Variants in LRRC7 observed in about 807,000 individuals in gnomAD.
LRRC7 encodes the protein leucine rich repeat containing 7.
In LRRC7, 23 loss-of-function variants were observed where a neutral mutation model predicts 175.7. The ratio of observed to expected loss-of-function variants is 0.13; its 90% confidence interval spans 0.09 to 0.19. The LOEUF is 0.19. Ranked by LOEUF, LRRC7 falls within the 10% of genes least tolerant of loss-of-function variation. LRRC7 has a pLI of 1.00. For missense variants in LRRC7, 1,354 were observed against 1,904.7 expected (o/e 0.71, Z 5.38); for synonymous variants, 685 against 680.9 (o/e 1.01, Z -0.09).
At chr1:69,961,918 A>T (rs911562029) in intron 8 of LRRC7, among the ~76,000 whole-genome samples, 1 of 152,204 alleles carries the variant, frequency 6.6e-6, no homozygotes, top group African/African-American at 2.4e-5. Flanking sequence ...CATTCAGGAC[A>T]TAGGCATGGG....
At position 70,134,883 on chromosome 1, in the gene LRRC7, G is replaced by A. The variant is rs1442178685; in HGVS notation, c.*12996G>A. 1.3e-5 allele frequency among the ~76,000 whole-genome samples: 2 copies of A among 152,102 alleles called. No individual in the cohort carries two copies. Among genetic ancestry groups the A allele is most frequent in the Non-Finnish European group, 2.9e-5 (2 of 68,000 alleles). ...ACCCATTTTAAAGCAAATACGGCAG[G>A]TGTCCACCATTGTTTTGGATACAGC... On this transcript the variant is annotated 3_prime_UTR_variant, in exon 27 of 27. Coordinates refer to ENST00000651989, the MANE Select transcript of LRRC7 (RefSeq NM_001370785.2).
At chr1:69,813,330 A>G (rs1678183744) in intron 4 of LRRC7, among the ~76,000 whole-genome samples, 1 of 152,150 alleles carries the variant, frequency 6.6e-6, no homozygotes, top group Non-Finnish European at 1.5e-5. Flanking sequence ...ACTAGCAAAA[A>G]GACTCAACCA....
intron 6 of LRRC7, among the ~76,000 whole-genome samples, chr1:69,835,212 A>C (rs1441275058): frequency 6.6e-6 from 1 of 151,988 alleles, no homozygotes; most frequent in Non-Finnish European, 1.5e-5. Context: ...GAAAAATATC[A>C]TAAATGGATA....
rs60692987 is a variant in LRRC7 at position 70,084,177 on chromosome 1, T to C, written c.4453-5550T>C. 1.7e-3 allele frequency among the ~76,000 whole-genome samples: 264 copies of C among 152,338 alleles called. 3 individuals are homozygous for C. Among genetic ancestry groups the C allele is most frequent in the African/African-American group, 6.0e-3 (248 of 41,570 alleles). ...TTAATGGCTTTATTGATATAATTTA[T>C]ATACAGTAAAGTTCATCTGCTTAAA... On this transcript the variant is annotated intron_variant, in intron 24 of 26. Coordinates refer to ENST00000651989, the MANE Select transcript of LRRC7 (RefSeq NM_001370785.2).
At chr1:70,007,238 A>G (rs1656073329) in intron 11 of LRRC7, among the ~76,000 whole-genome samples, 1 of 152,218 alleles carries the variant, frequency 6.6e-6, no homozygotes. Context: ...ATTAGCATCC[A>G]GAAAGACGCT....
intron 25 of LRRC7, among the ~76,000 whole-genome samples, chr1:70,090,660 A>G (rs771324640): frequency 2.6e-5 from 4 of 152,100 alleles, no homozygotes; most frequent in African/African-American, 4.8e-5. Flanking sequence ...AACTGACCCC[A>G]TAAAACTTTA....
intron 4 of LRRC7, among the ~76,000 whole-genome samples, chr1:69,823,635 T>G (rs1319798476): frequency 3.9e-5 from 6 of 152,134 alleles, no homozygotes; most frequent in African/African-American, 1.4e-4. Context: ...CACTAATTCT[T>G]TTTCCTGTGT....
Position 70,121,912 on chromosome 1 carries a change from A to C in LRRC7, c.*25A>C. 1 of 1,487,446 alleles carries C rather than the reference A, an allele frequency of 6.7e-7. No homozygotes were observed. The highest frequency in any genetic ancestry group is 9.3e-7 in the Non-Finnish European group (1 of 1,071,800). The allele number at this position is 1,487,446 out of a possible 1,614,324, so 92.1% of individuals were successfully genotyped here. On this transcript the variant is annotated 3_prime_UTR_variant, in exon 27 of 27. Transcript: ENST00000651989. Reference sequence around the variant, plus strand: ...AATATTTTTTATAAATAGTGAAGATACGTCTAGCCAGACCTAATGTTCAAA... The same window carrying C: ...AATATTTTTTATAAATAGTGAAGATCCGTCTAGCCAGACCTAATGTTCAAA...
intron 7 of LRRC7, among the ~76,000 whole-genome samples, chr1:69,921,721 T>C (rs1270706351): frequency 6.6e-6 from 1 of 152,198 alleles, no homozygotes; most frequent in Non-Finnish European, 1.5e-5. Context: ...TCATTCCAAG[T>C]TGCTGATGTG....
intron 1 of LRRC7, among the ~76,000 whole-genome samples, chr1:69,618,157 T>C (rs1649984841): frequency 6.6e-6 from 1 of 152,118 alleles, no homozygotes; most frequent in African/African-American, 2.4e-5. Flanking sequence ...GAACTCTGGC[T>C]CCAAGCTCTG....
intron 11 of LRRC7, among the ~76,000 whole-genome samples, chr1:70,000,241 A>G (rs529639262): frequency 1.3e-4 from 20 of 152,324 alleles, no homozygotes; most frequent in African/African-American, 4.8e-4. Context: ...TTGACCACAT[A>G]TACAACTGTG....
chr1:70,078,800 G>GCACA (rs1195352931), intron 24 of LRRC7, among the ~76,000 whole-genome samples: 15 of 102,548 alleles, frequency 1.5e-4, no homozygotes, highest in African/African-American at 9.1e-4. Context: ...ATACGCGCGC[G>GCACA]CGCGCGCGCG....
At chr1:70,115,156 G>T (rs935028504) in intron 26 of LRRC7, among the ~76,000 whole-genome samples, 7 of 152,164 alleles carry the variant, frequency 4.6e-5, no homozygotes, top group Non-Finnish European at 1.0e-4. Flanking sequence ...AAAGACAACG[G>T]TTTTTAAAGG....
intron 7 of LRRC7, among the ~76,000 whole-genome samples, chr1:69,839,303 T>G (rs1215998928): frequency 2.0e-5 from 3 of 152,084 alleles, no homozygotes; most frequent in Non-Finnish European, 2.9e-5. Context: ...TGGATTTAAT[T>G]TGAATATATA....
intron 22 of LRRC7, among the ~76,000 whole-genome samples, chr1:70,046,520 A>G (rs1419857774): frequency 6.6e-6 from 1 of 152,128 alleles, no homozygotes; most frequent in Non-Finnish European, 1.5e-5. Context: ...CCAAAAAAAG[A>G]AGAAAAGTAG....
At chr1:70,046,257 A>T (rs924702461) in intron 22 of LRRC7, among the ~76,000 whole-genome samples, 21 of 152,154 alleles carry the variant, frequency 1.4e-4, no homozygotes, top group Admixed American at 1.2e-3. Flanking sequence ...TATAAATTAG[A>T]TATCACTGTA....
chr1:69,887,438 G>C (rs11209570), intron 7 of LRRC7, among the ~76,000 whole-genome samples: 1 of 138,062 alleles, frequency 7.2e-6, no homozygotes, highest in Admixed American at 6.9e-5. Flanking sequence ...CATTCTTCAC[G>C]TAGTTCTCGA....
chr1:69,793,122 T>A (rs1452502902), intron 4 of LRRC7, among the ~76,000 whole-genome samples: 9 of 152,104 alleles, frequency 5.9e-5, no homozygotes, highest in Admixed American at 5.9e-4. Flanking sequence ...AATGCAGGCA[T>A]GAACAAAACA....
intron 2 of LRRC7, among the ~76,000 whole-genome samples, chr1:69,744,672 G>A (rs949076468): frequency 3.3e-5 from 5 of 151,798 alleles, no homozygotes; most frequent in Non-Finnish European, 5.9e-5. Context: ...TTCTATGTCA[G>A]TAAGATATGT....
Sources: gnomAD v4.1 joint callset for allele counts (sites outside exome capture counted in the v4.1 genomes callset) on GRCh38, gnomAD v4.1.1 for gene constraint, MANE v1.5 for transcripts, NCBI Gene and HGNC (gene_info 2026-07-23, HGNC 2026-07-21) for gene names.